The following TMEM178B variants were observed in gnomAD, a reference collection of about 807,000 sequenced individuals.
The protein encoded by TMEM178B is transmembrane protein 178B.
TMEM178B carries 5 observed loss-of-function variants against 31.0 expected under a neutral mutation model. The ratio of observed to expected loss-of-function variants is 0.16; its 90% CI spans 0.08 to 0.34. TMEM178B has a LOEUF of 0.34. Among genes scored for constraint, TMEM178B ranks in the 10% least tolerant of loss-of-function variants. TMEM178B has a pLI of 1.00. For missense variants in TMEM178B, 275 were observed against 400.3 expected (o/e 0.69, Z 2.67); for synonymous variants, 164 against 164.0 (o/e 1.00, Z 0.00).
At chr7:141,253,913 G>C (rs1383121432) in intron 2 of TMEM178B, among the ~76,000 whole-genome samples, 3 of 152,108 alleles carry the variant, frequency 2.0e-5, no homozygotes, top group Non-Finnish European at 4.4e-5. Context: ...CCTTTGTTAG[G>C]ACCCCCTACA....
chr7:141,373,028 A>G lies in TMEM178B; in HGVS notation c.497-64580A>G, dbSNP rs576012989. On this transcript the variant is annotated intron_variant, in intron 2 of 3. Coordinates refer to ENST00000565468, the MANE Select transcript of TMEM178B (RefSeq NM_001195278.2). The stretch of plus-strand genomic sequence containing the variant: ...CCTGGAGTCCACCGCTGGCTCAGAC[A>G]CTTAGTAGCTGTGTGACTTTGGGCA... Among the ~76,000 whole-genome samples the G allele has an allele frequency of 5.3e-5, 8 of 152,332 alleles. No homozygotes were observed. In the East Asian group the frequency reaches 1.5e-3, roughly 29 times the overall value.
intron 2 of TMEM178B, among the ~76,000 whole-genome samples, chr7:141,241,495 C>T (rs1797618170): frequency 6.8e-6 from 1 of 146,220 alleles, no homozygotes; most frequent in Middle Eastern, 3.8e-3. Context: ...GAGGCTGAGG[C>T]AGGAGAATCA....
intron 2 of TMEM178B, among the ~76,000 whole-genome samples, chr7:141,333,962 G>T (rs2116495164): frequency 6.6e-6 from 1 of 152,354 alleles, no homozygotes; most frequent in Non-Finnish European, 1.5e-5. Context: ...CTGCCCACCT[G>T]CAGCTCACCT....
chr7:141,255,257 A>G lies in TMEM178B; in HGVS notation c.496+42553A>G, dbSNP rs1197148054. 2.6e-5 allele frequency among the ~76,000 whole-genome samples: 4 copies of G among 152,234 alleles called. No homozygotes were observed. In the South Asian group the frequency reaches 6.2e-4, roughly 24 times the overall value. On this transcript the variant is annotated intron_variant, in intron 2 of 3. Coordinates refer to ENST00000565468, the MANE Select transcript of TMEM178B (RefSeq NM_001195278.2). ...AGGTTGGATTCCACTTCTGGGTGGG[A>G]TAGGGGTGAAGGTAGTATGAGAAAC...
At chr7:141,117,002 G>T (rs1795329650) in intron 1 of TMEM178B, among the ~76,000 whole-genome samples, 1 of 152,156 alleles carries the variant, frequency 6.6e-6, no homozygotes, top group Admixed American at 6.5e-5. Context: ...TTATAGTAAA[G>T]TGATTTTTAA....
intron 1 of TMEM178B, among the ~76,000 whole-genome samples, chr7:141,152,265 C>G (rs1399558645): frequency 6.6e-6 from 1 of 152,170 alleles, no homozygotes; most frequent in East Asian, 1.9e-4. Flanking sequence ...CTTGCAGCAG[C>G]CGGGCTTTTC....
intron 1 of TMEM178B, among the ~76,000 whole-genome samples, chr7:141,167,643 C>A (rs866250611): frequency 6.6e-6 from 1 of 152,238 alleles, no homozygotes; most frequent in Non-Finnish European, 1.5e-5. Flanking sequence ...CCTTCAATCC[C>A]TTAAAATTTT....
chr7:141,375,923 C>T (rs1337026004), intron 2 of TMEM178B, among the ~76,000 whole-genome samples: 1 of 152,176 alleles, frequency 6.6e-6, no homozygotes, highest in African/African-American at 2.4e-5. Flanking sequence ...TGCAGGAGTT[C>T]ATATGGGACC....
the TMEM178B span, among the ~76,000 whole-genome samples, chr7:141,498,889 G>T: frequency 1.3e-5 from 2 of 152,196 alleles, no homozygotes; most frequent in African/African-American, 4.8e-5. Context: ...AATCATGAAA[G>T]AGATAAATAA....
intron 1 of TMEM178B, among the ~76,000 whole-genome samples, chr7:141,167,191 G>C (rs1316328724): frequency 1.2e-4 from 18 of 152,200 alleles, no homozygotes. Context: ...GAGGACACAT[G>C]GAACTAGTCT....
chr7:141,145,445 G>A (rs553789923), intron 1 of TMEM178B, among the ~76,000 whole-genome samples: 2 of 152,262 alleles, frequency 1.3e-5, no homozygotes, highest in East Asian at 1.9e-4. Context: ...AAAAATTCCT[G>A]GAAACTCTAT....
intron 1 of TMEM178B, among the ~76,000 whole-genome samples, chr7:141,140,061 C>T (rs771088180): frequency 1.4e-4 from 21 of 152,150 alleles, no homozygotes; most frequent in Non-Finnish European, 2.2e-4. Context: ...CCACTGCACC[C>T]GGCCAGAGGT....
intron 2 of TMEM178B, among the ~76,000 whole-genome samples, chr7:141,392,664 A>G (rs576317203): frequency 1.3e-5 from 2 of 152,204 alleles, no homozygotes. Context: ...TTCTTTTTCC[A>G]AACCGGAATA....
intron 3 of TMEM178B, among the ~76,000 whole-genome samples, chr7:141,440,983 C>G (rs999769695): frequency 6.6e-6 from 1 of 152,212 alleles, no homozygotes; most frequent in Non-Finnish European, 1.5e-5. Flanking sequence ...AAGAGCTGGT[C>G]CCTCGAAGTG....
intron 2 of TMEM178B, among the ~76,000 whole-genome samples, chr7:141,271,229 C>T (rs1013483130): frequency 6.6e-6 from 1 of 152,126 alleles, no homozygotes; most frequent in African/African-American, 2.4e-5. Context: ...TGGCAGGAGG[C>T]CTGCTTCAAA....
At chr7:141,247,204 T>TAC (rs3035767) in intron 2 of TMEM178B, among the ~76,000 whole-genome samples, 6,118 of 150,048 alleles carry the variant, frequency 0.041, 251 homozygotes, top group African/African-American at 0.1. Flanking sequence ...GGTTTCTCTC[T>TAC]ACACACACAC....
chr7:141,486,315 G>A, the TMEM178B span, among the ~76,000 whole-genome samples: 1 of 152,170 alleles, frequency 6.6e-6, no homozygotes, highest in Non-Finnish European at 1.5e-5. Context: ...ACATTATTCA[G>A]GTGATGGATA....
At chr7:141,409,761 C>T (rs899148697) in intron 2 of TMEM178B, among the ~76,000 whole-genome samples, 1 of 151,032 alleles carries the variant, frequency 6.6e-6, no homozygotes, top group South Asian at 2.1e-4. Flanking sequence ...AATTTCATGG[C>T]TCATGCACTT....
At chr7:141,287,080 T>A (rs768341780) in intron 2 of TMEM178B, among the ~76,000 whole-genome samples, 1 of 152,180 alleles carries the variant, frequency 6.6e-6, no homozygotes, top group Non-Finnish European at 1.5e-5. Context: ...CCTTTCTACC[T>A]TTCTGTTTTT....
Sources: allele counts gnomAD v4.1 joint callset (sites outside exome capture counted in the v4.1 genomes callset), GRCh38; gene constraint gnomAD v4.1.1; transcripts MANE v1.5; gene names NCBI Gene and HGNC (gene_info 2026-07-23, HGNC 2026-07-21).